KIRREL3: variants seen among roughly 807,000 people sequenced by gnomAD.
The protein encoded by KIRREL3 is kin of IRRE-like protein 3.
KIRREL3 carries 36 observed loss-of-function variants against 89.7 expected under a neutral mutation model. That is an observed-to-expected ratio of 0.40 (90% confidence interval 0.31 to 0.53). The LOEUF is 0.53. KIRREL3 is among the 20% of genes least tolerant of loss of function. KIRREL3 has a pLI of 0.49. For missense variants in KIRREL3, 864 were observed against 1,056.6 expected (o/e 0.82, Z 2.53); for synonymous variants, 445 against 441.4 (o/e 1.01, Z -0.10).
In KIRREL3 at chr11:126,429,264, T is replaced by G; in HGVS notation, c.1721A>C (p.Lys574Thr). 1 of 1,613,786 alleles carries G rather than the reference T, an allele frequency of 6.2e-7. No individual in the cohort carries two copies. Among genetic ancestry groups the G allele is most frequent in the East Asian group, 2.2e-5 (1 of 44,888 alleles). ...GACAATTTCCACTCGGATATCATTTTTGGCTGACACAACACCTTTGAGATC... is the reference window on the plus strand; with the variant it reads ...GACAATTTCCACTCGGATATCATTTGTGGCTGACACAACACCTTTGAGATC... ...QRNLKGVVSA[K>T]NDIRVEIVHK... The change falls in exon 15 of 17, where the codon AAA (lysine) becomes ACA (threonine). Residue 574 changes from lysine (K) to threonine (T), a missense_variant. Transcript: ENST00000525144. This position sits in a 1 kb window ranked among gnomAD's most constrained non-coding sequence, Gnocchi z 5.2.
At chr11:126,815,689 A>T (rs973215186) in intron 1 of KIRREL3, among the ~76,000 whole-genome samples, 4 of 151,824 alleles carry the variant, frequency 2.6e-5, no homozygotes, top group Non-Finnish European at 5.9e-5. Context: ...AGCCGCCACC[A>T]CGCCCGGCTA....
chr11:126,490,037 C>T lies in KIRREL3; in HGVS notation c.434-16571G>A, dbSNP rs1037437139. On this transcript the variant is annotated intron_variant, in intron 4 of 16. Coordinates refer to ENST00000525144, the MANE Select transcript of KIRREL3 (RefSeq NM_032531.4). The surrounding 1 kb of genome is among the most constrained non-coding windows in gnomAD (Gnocchi z 4.2). Reference sequence around the variant, plus strand: ...CCCATGAGCTGCTTCGAGGAGTGAACGGGGTGAGGTGTCCAGTGTTGCTTT... The same window carrying T: ...CCCATGAGCTGCTTCGAGGAGTGAATGGGGTGAGGTGTCCAGTGTTGCTTT... Among the ~76,000 whole-genome samples, 5 of 151,996 alleles carry T rather than the reference C, an allele frequency of 3.3e-5. No individual in the cohort carries two copies. Among genetic ancestry groups the T allele is most frequent in the Non-Finnish European group, 5.9e-5 (4 of 68,020 alleles).
chr11:126,925,110 GGGC>G (rs1947652196), intron 1 of KIRREL3, among the ~76,000 whole-genome samples: 3 of 137,186 alleles, frequency 2.2e-5, no homozygotes, highest in African/African-American at 2.8e-5. Flanking sequence ...GGGGGGGGGG[GGGC>G]TGTTGGTCAC....
intron 1 of KIRREL3, among the ~76,000 whole-genome samples, chr11:126,646,039 C>A (rs1944653070): frequency 6.6e-6 from 1 of 152,184 alleles, no homozygotes; most frequent in African/African-American, 2.4e-5. Context: ...GAGACGTTTT[C>A]ATGAGCCTCT....
In KIRREL3 at chr11:126,795,954, A is replaced by C. The variant is rs9326285; in HGVS notation, c.55+204501T>G. 0.37 allele frequency among the ~76,000 whole-genome samples: 55,964 copies of C among 151,844 alleles called. 11,187 individuals carry two copies. The highest frequency in any genetic ancestry group is 0.53 in the African/African-American group (21,793 of 41,380). On this transcript the variant is annotated intron_variant, in intron 1 of 16. Transcript: ENST00000525144. This position sits in a 1 kb window ranked among gnomAD's most constrained non-coding sequence, Gnocchi z 4.1. ...GGGAAAAGCATGAATCAGAAATGAG[A>C]GTACATTTTTCACGTTGAGCTAGTA...
At position 126,994,316 on chromosome 11, in the gene KIRREL3, A is replaced by C. The variant is rs1048017871; in HGVS notation, c.55+6139T>G. ...GTCTGTGTTTGGCTGCCCCCTTTGC[A>C]GTTATTTCCAAGGAGAAGAAGGATG... On this transcript the variant is annotated intron_variant, in intron 1 of 16. Coordinates refer to ENST00000525144, the MANE Select transcript of KIRREL3 (RefSeq NM_032531.4). This position sits in a 1 kb window ranked among gnomAD's most constrained non-coding sequence, Gnocchi z 5.2. Among the ~76,000 whole-genome samples the C allele has an allele frequency of 1.3e-5, 2 of 152,160 alleles. No homozygotes were observed. Among genetic ancestry groups the C allele is most frequent in the Non-Finnish European group, 2.9e-5 (2 of 68,032 alleles).
In KIRREL3 at chr11:126,552,772, A is replaced by T. The variant is rs369671098; in HGVS notation, c.133+10063T>A. Among the ~76,000 whole-genome samples the T allele has an allele frequency of 2.6e-5, 4 of 151,984 alleles. No individual in the cohort carries two copies. The South Asian group carries it at 8.3e-4, about 32-fold the overall frequency. ...GAGACGGGGTTTCGCCATGTTGGCC[A>T]GGCTGGTCTCAAACTCCTGACCTCA... is the stretch of plus-strand genomic sequence containing the variant. On this transcript the variant is annotated intron_variant, in intron 2 of 16. Coordinates refer to ENST00000525144, the MANE Select transcript of KIRREL3 (RefSeq NM_032531.4).
At chr11:126,446,712 C>T (rs776928037) in intron 9 of KIRREL3, 47 bp downstream of exon 9, 107 of 1,561,462 alleles carry the variant, frequency 6.9e-5, no homozygotes, top group Non-Finnish European at 8.7e-5. Flanking sequence ...GCTCCACTGT[C>T]CCCGCCCCCT....
chr11:126,646,618 G>C (rs1200042945), intron 1 of KIRREL3, among the ~76,000 whole-genome samples: 1 of 151,862 alleles, frequency 6.6e-6, no homozygotes, highest in Non-Finnish European at 1.5e-5. Context: ...GGGATTACAG[G>C]CATGCACCAC....
At chr11:126,658,074 C>G (rs1209829884) in intron 1 of KIRREL3, among the ~76,000 whole-genome samples, 3 of 152,184 alleles carry the variant, frequency 2.0e-5, no homozygotes, top group African/African-American at 7.2e-5. Flanking sequence ...TCGAGTTAGC[C>G]CCTCCTTCTC....
chr11:126,528,729 AGAG>A lies in KIRREL3; in HGVS notation c.134-2045_134-2043del, dbSNP rs1031237209. Among the ~76,000 whole-genome samples, 1 of 151,264 alleles carries A rather than the reference AGAG, an allele frequency of 6.6e-6. No individual in the cohort carries two copies. The highest frequency in any genetic ancestry group is 2.4e-5 in the African/African-American group (1 of 41,066). The stretch of plus-strand genomic sequence containing the variant: ...GGTAGAAAAGGAGGGAAGAGATGAG[AGAG>A]GAGAAGGGGAGAGGAGGGAGGGACT... On this transcript the variant is annotated intron_variant, in intron 2 of 16. Transcript: ENST00000525144. This position sits in a 1 kb window ranked among gnomAD's most constrained non-coding sequence, Gnocchi z 4.6.
rs764271172 is a variant in KIRREL3, at chr11:126,474,443, C to G, written c.434-977G>C. On this transcript the variant is annotated intron_variant, in intron 4 of 16. Transcript: ENST00000525144. This position sits in a 1 kb window ranked among gnomAD's most constrained non-coding sequence, Gnocchi z 6.7. ...CCAGGCCCAGGGAACCTGGGAGCAC[C>G]AGGCCGGCCCCTTCCCTGGCAGGGA... Among the ~76,000 whole-genome samples, 10 of 152,186 alleles carry G rather than the reference C, an allele frequency of 6.6e-5. No homozygotes were observed. Among genetic ancestry groups the G allele is most frequent in the Non-Finnish European group, 1.5e-4 (10 of 68,038 alleles).
Position 126,526,839 on chromosome 11 carries a change from T to C in KIRREL3, c.134-152A>G, listed in dbSNP as rs1313166173. Reference sequence around the variant, plus strand: ...CTGCTGAGGGTCTGGTAGAGCTTCCTAACTGGTCTCAGCCCCAGCTCTATT... The same window carrying C: ...CTGCTGAGGGTCTGGTAGAGCTTCCCAACTGGTCTCAGCCCCAGCTCTATT... On this transcript the variant is annotated intron_variant, in intron 2 of 16. Transcript: ENST00000525144. This position sits in a 1 kb window ranked among gnomAD's most constrained non-coding sequence, Gnocchi z 5.7. 2.6e-5 allele frequency among the ~76,000 whole-genome samples: 4 copies of C among 152,196 alleles called. No homozygotes were observed. Among genetic ancestry groups the C allele is most frequent in the African/African-American group, 9.7e-5 (4 of 41,448 alleles).
chr11:126,450,575 G>A lies in KIRREL3; in HGVS notation c.849-1418C>T, dbSNP rs535784072. ...TGCATGTGTGCATGTGCGTGTGCAT[G>A]TGTGCATGTGCATGTGTGCATGTGT... is the stretch of plus-strand genomic sequence containing the variant. On this transcript the variant is annotated intron_variant, in intron 7 of 16. Coordinates refer to ENST00000525144, the MANE Select transcript of KIRREL3 (RefSeq NM_032531.4). Among the ~76,000 whole-genome samples, 4 of 151,250 alleles carry A rather than the reference G, an allele frequency of 2.6e-5. No homozygotes were observed. In the East Asian group the frequency reaches 7.8e-4, roughly 30 times the overall value.
rs1260135719 is a variant in KIRREL3, at chr11:126,459,040, G to C, written c.743-2586C>G. Among the ~76,000 whole-genome samples, 3 of 152,194 alleles carry C rather than the reference G, an allele frequency of 2.0e-5. No individual in the cohort carries two copies. Among genetic ancestry groups the C allele is most frequent in the African/African-American group, 7.2e-5 (3 of 41,450 alleles). ...CATCTCGCCGTGGGTTGGAGAAGTG[G>C]AGGTGGGGCAGAGGAGCTTGGGAAT... On this transcript the variant is annotated intron_variant, in intron 6 of 16. Coordinates refer to ENST00000525144, the MANE Select transcript of KIRREL3 (RefSeq NM_032531.4). This position sits in a 1 kb window ranked among gnomAD's most constrained non-coding sequence, Gnocchi z 4.8.
chr11:126,804,260 C>T (rs796886641), intron 1 of KIRREL3, among the ~76,000 whole-genome samples: 14 of 152,322 alleles, frequency 9.2e-5, no homozygotes, highest in African/African-American at 3.4e-4. Context: ...GATTTCTCAA[C>T]TTGCTGTCAA....
intron 1 of KIRREL3, among the ~76,000 whole-genome samples, chr11:126,964,929 T>C (rs1949218944): frequency 6.6e-6 from 1 of 152,174 alleles, no homozygotes. Context: ...CATTAGATTG[T>C]CTAGGGCATT....
intron 1 of KIRREL3, among the ~76,000 whole-genome samples, chr11:126,770,980 T>C (rs1294435909): frequency 3.3e-5 from 5 of 152,088 alleles, no homozygotes; most frequent in Admixed American, 2.6e-4. Context: ...GGATTACAGG[T>C]GCTTGCCACC....
In KIRREL3 at chr11:126,571,228, G is replaced by T. The variant is rs1432462028; in HGVS notation, c.56-8316C>A. ...CATCTTTCTCTCCTTGGAGGGCTGG[G>T]TTCCTCCCCTACCCTCAGACACTGC... is the stretch of plus-strand genomic sequence containing the variant. On this transcript the variant is annotated intron_variant, in intron 1 of 16. Transcript: ENST00000525144. The surrounding 1 kb of genome is among the most constrained non-coding windows in gnomAD (Gnocchi z 7.7). 6.6e-6 allele frequency among the ~76,000 whole-genome samples: 1 copy of T among 152,142 alleles called. No homozygotes were observed. Among genetic ancestry groups the T allele is most frequent in the African/African-American group, 2.4e-5 (1 of 41,420 alleles).
Sources: allele counts gnomAD v4.1 joint callset (sites outside exome capture counted in the v4.1 genomes callset), GRCh38; gene constraint gnomAD v4.1.1; non-coding constraint Gnocchi (gnomAD v3.1); transcripts MANE v1.5; gene names NCBI Gene and HGNC (gene_info 2026-07-23, HGNC 2026-07-21).